Variants in PRSS12 observed in about 807,000 individuals in gnomAD.
PRSS12 encodes the protein serine protease 12.
A neutral mutation model predicts 104.4 loss-of-function variants in PRSS12; 85 were observed. The observed-to-expected ratio is 0.81, with a 90% CI of 0.68 to 0.98. The LOEUF is 0.98. Among genes scored for constraint, PRSS12 ranks in the 50% least tolerant of loss-of-function variants. PRSS12 has a pLI of 0.00. For missense variants in PRSS12, 1,141 were observed against 1,139.2 expected, an observed-to-expected ratio of 1.00 and a Z score of -0.02; for synonymous variants, 454 against 425.2, an observed-to-expected ratio of 1.07 and a Z score of -0.83.
chr4:118,316,837 A>AAATATATATATATATATATAT (rs35698159), intron 5 of PRSS12, among the ~76,000 whole-genome samples: 17 of 99,180 alleles, frequency 1.7e-4, no homozygotes, highest in Non-Finnish European at 2.2e-4. Flanking sequence ...AAAAAAAAAA[A>AAATATATATATATATATATAT]ATATATATAT....
intron 4 of PRSS12, among the ~76,000 whole-genome samples, chr4:118,322,165 T>C (rs1178895958): frequency 8.4e-6 from 1 of 118,378 alleles, no homozygotes; most frequent in Non-Finnish European, 2.0e-5. Flanking sequence ...CTTGCAATAG[T>C]AGTGTACAAG....
chr4:118,310,220 T>C (rs1293152782), intron 7 of PRSS12, among the ~76,000 whole-genome samples: 2 of 152,214 alleles, frequency 1.3e-5, no homozygotes, highest in Non-Finnish European at 2.9e-5. Context: ...ATGAAATTCT[T>C]TTATTAAAGT....
chr4:118,350,617 G>A (rs1325726787), intron 1 of PRSS12, among the ~76,000 whole-genome samples: 3 of 152,122 alleles, frequency 2.0e-5, no homozygotes, highest in African/African-American at 7.2e-5. Flanking sequence ...GATTTTGTCT[G>A]GTGAGAGTTA....
chr4:118,314,641 TTTGTAAAC>T (rs1743856366), intron 6 of PRSS12, among the ~76,000 whole-genome samples: 1 of 152,118 alleles, frequency 6.6e-6, no homozygotes, highest in Non-Finnish European at 1.5e-5. Flanking sequence ...CAAAAATTCC[TTTGTAAAC>T]TAGAAGCAAA....
rs185455929 is a variant in PRSS12, at chr4:118,328,948, C to G, written c.971+2768G>C. On this transcript the variant is annotated intron_variant, in intron 4 of 12. Transcript: ENST00000296498. ...AGCTGGGATCCCAGGTGCCTACCAC[C>G]ACACCCAGCTAATTTTTGTATTTTT... Among the ~76,000 whole-genome samples the G allele has an allele frequency of 4.2e-3, 635 of 152,238 alleles. 18 individuals are homozygous for G. The highest frequency in any genetic ancestry group is 0.04 in the Admixed American group (614 of 15,278).
chr4:118,292,814 A>T (rs1405747076), intron 11 of PRSS12, among the ~76,000 whole-genome samples: 2 of 152,116 alleles, frequency 1.3e-5, no homozygotes, highest in East Asian at 3.9e-4. Context: ...CAGGAGTACA[A>T]GACCAGCCTG....
chr4:118,333,375 T>C (rs989386106), intron 3 of PRSS12, among the ~76,000 whole-genome samples: 1 of 152,236 alleles, frequency 6.6e-6, no homozygotes. Context: ...TAAATTCAAA[T>C]ATCATATTTG....
intron 8 of PRSS12, among the ~76,000 whole-genome samples, chr4:118,304,436 T>C (rs575083164): frequency 6.6e-6 from 1 of 152,142 alleles, no homozygotes; most frequent in South Asian, 2.1e-4. Context: ...CATACAAATA[T>C]ACCAGAAATT....
At chr4:118,322,123 T>C (rs1371286248) in intron 4 of PRSS12, among the ~76,000 whole-genome samples, 1 of 152,096 alleles carries the variant, frequency 6.6e-6, no homozygotes, top group Non-Finnish European at 1.5e-5. Context: ...GCACTGATGT[T>C]CCTAGAAAAA....
chr4:118,317,111 AG>A (rs1723463416), intron 5 of PRSS12, among the ~76,000 whole-genome samples: 2 of 151,996 alleles, frequency 1.3e-5, no homozygotes, highest in African/African-American at 4.8e-5. Context: ...TCTGGATAAA[AG>A]ACAGTCTGTC....
At chr4:118,303,007 G>C (rs1743438727) in intron 8 of PRSS12, among the ~76,000 whole-genome samples, 1 of 152,090 alleles carries the variant, frequency 6.6e-6, no homozygotes, top group Admixed American at 6.6e-5. Context: ...ATTCCCAGAA[G>C]TTTCAGAGGT....
chr4:118,334,584 A>C (rs1297702423), intron 3 of PRSS12, among the ~76,000 whole-genome samples: 1 of 152,168 alleles, frequency 6.6e-6, no homozygotes, highest in African/African-American at 2.4e-5. Flanking sequence ...TATAGCTCTC[A>C]GAGTATACAC....
chr4:118,324,061 G>A (rs2126037805), intron 4 of PRSS12, among the ~76,000 whole-genome samples: 1 of 151,836 alleles, frequency 6.6e-6, no homozygotes, highest in South Asian at 2.1e-4. Flanking sequence ...CACCATGCCT[G>A]GCTAATTTTT....
At chr4:118,324,626 A>G (rs1163283925) in intron 4 of PRSS12, among the ~76,000 whole-genome samples, 1 of 152,122 alleles carries the variant, frequency 6.6e-6, no homozygotes, top group Non-Finnish European at 1.5e-5. Flanking sequence ...TACAAGCCCC[A>G]AACATTGACT....
At chr4:118,312,845 A>G in intron 7 of PRSS12, 1 of 301,174 alleles carries the variant, frequency 3.3e-6, no homozygotes. Flanking sequence ...TATCCCAAAT[A>G]GCTCACTAGA....
In PRSS12 at chr4:118,344,644, TACA is replaced by T. The variant is rs558230747; in HGVS notation, c.503-6333_503-6331del. ...TAATTGTTCATTTATTATTCATGTA[TACA>T]ACAACTTAAATGCTGAGAAAAAAAA... On this transcript the variant is annotated intron_variant, in intron 1 of 12. Transcript: ENST00000296498. 1.2e-3 allele frequency among the ~76,000 whole-genome samples: 188 copies of T among 152,294 alleles called. 1 individual carries two copies. Among genetic ancestry groups the T allele is most frequent in the African/African-American group, 4.2e-3 (175 of 41,570 alleles).
intron 4 of PRSS12, 149 bp downstream of exon 4, chr4:118,331,566 AG>A: frequency 9.7e-7 from 1 of 1,033,578 alleles, no homozygotes; most frequent in Non-Finnish European, 1.4e-6. Context: ...ACTGCTCTTC[AG>A]GAAGCCTACA....
In PRSS12 at chr4:118,281,596, C is replaced by T. The variant is rs1457506553; in HGVS notation, c.*340G>A. 1 of 345,984 alleles carries T rather than the reference C, an allele frequency of 2.9e-6. No individual in the cohort carries two copies. Among genetic ancestry groups the T allele is most frequent in the Non-Finnish European group, 5.5e-6 (1 of 180,658 alleles). 21.4% of individuals were successfully genotyped at this position (345,984 alleles called of 1,614,324 possible). A position where few individuals can be genotyped will look rare whatever the true frequency, so the allele number is the denominator to read the frequency against. ...AATATGATTTCAGACACCACTGATTCAATTAAAAGGGGTTCTCAGTTCAAA... is the reference window on the plus strand; with the variant it reads ...AATATGATTTCAGACACCACTGATTTAATTAAAAGGGGTTCTCAGTTCAAA... On this transcript the variant is annotated 3_prime_UTR_variant, in exon 13 of 13. Coordinates refer to ENST00000296498, the MANE Select transcript of PRSS12 (RefSeq NM_003619.4).
chr4:118,306,718 G>A (rs1743563088), intron 8 of PRSS12, among the ~76,000 whole-genome samples: 1 of 151,950 alleles, frequency 6.6e-6, no homozygotes, highest in South Asian at 2.1e-4. Flanking sequence ...ATTTGGGTGG[G>A]GACAAATATC....
Sources: gnomAD v4.1 joint callset for allele counts (sites outside exome capture counted in the v4.1 genomes callset) on GRCh38, gnomAD v4.1.1 for gene constraint, MANE v1.5 for transcripts, NCBI Gene and HGNC (gene_info 2026-07-23, HGNC 2026-07-21) for gene names.